NPSR1: variants seen among roughly 807,000 people sequenced by gnomAD.
The protein encoded by NPSR1 is neuropeptide S receptor.
A neutral mutation model predicts 46.9 loss-of-function variants in NPSR1; 48 were observed. The observed-to-expected ratio is 1.02, with a 90% CI of 0.81 to 1.30. The LOEUF is 1.30. Among genes scored for constraint, NPSR1 ranks in the 50% most tolerant of loss-of-function variants. The probability of loss-of-function intolerance (pLI) is 0.00; values close to 1 mark genes in which losing one functional copy is unlikely to be tolerated. For synonymous variants in NPSR1, 176 were observed against 168.1 expected (o/e 1.05, Z -0.36); for missense variants, 450 against 449.5 (o/e 1.00, Z -0.01).
intron 3 of NPSR1, chr7:34,779,607 T>C: frequency 7.9e-7 from 1 of 1,271,886 alleles, no homozygotes; most frequent in South Asian, 2.5e-5. Context: ...TCTTCTTTTG[T>C]GCTCTGAATA....
intron 1 of NPSR1, among the ~76,000 whole-genome samples, 160 bp downstream of exon 1, chr7:34,658,719 G>T (rs401256): frequency 0.38 from 57,612 of 152,028 alleles, 11,339 homozygotes; most frequent in South Asian, 0.46. Context: ...ACAACAAGCT[G>T]TAGTGTGCAG....
intron 2 of NPSR1, among the ~76,000 whole-genome samples, chr7:34,755,746 G>A (rs142906321): frequency 0.011 from 1,635 of 151,650 alleles, 19 homozygotes; most frequent in Non-Finnish European, 0.017. Context: ...TTTTAAACTA[G>A]GATCAGAAAC....
At chr7:34,719,228 AC>A (rs1357581573) in intron 2 of NPSR1, 21 of 152,512 alleles carry the variant, frequency 1.4e-4, no homozygotes, top group Admixed American at 1.3e-3. Flanking sequence ...TAGAACAGCA[AC>A]CTGGCCAGTT....
chr7:34,872,875 C>T (rs1298381685), intron 8 of NPSR1, among the ~76,000 whole-genome samples: 1 of 151,808 alleles, frequency 6.6e-6, no homozygotes, highest in African/African-American at 2.4e-5. Context: ...TATCAGCTAG[C>T]ATGAAAATTT....
intron 2 of NPSR1, among the ~76,000 whole-genome samples, chr7:34,754,548 TC>T (rs2128725687): frequency 6.6e-6 from 1 of 151,994 alleles, no homozygotes; most frequent in South Asian, 2.1e-4. Flanking sequence ...TACCACCTCT[TC>T]CCCCCACCAA....
chr7:34,792,641 G>GTA (rs370959303), intron 3 of NPSR1, among the ~76,000 whole-genome samples: 4,520 of 81,006 alleles, frequency 0.056, 347 homozygotes, highest in African/African-American at 0.17. Context: ...GTGTGTATGT[G>GTA]TATATATATA....
chr7:34,776,310 A>T (rs1786955456), intron 2 of NPSR1, among the ~76,000 whole-genome samples: 1 of 152,174 alleles, frequency 6.6e-6, no homozygotes, highest in Admixed American at 6.5e-5. Flanking sequence ...TGAAGTCTCC[A>T]GCTATTATTG....
At chr7:34,663,889 G>C (rs573120231) in intron 1 of NPSR1, among the ~76,000 whole-genome samples, 3 of 152,296 alleles carry the variant, frequency 2.0e-5, no homozygotes, top group African/African-American at 7.2e-5. Flanking sequence ...ACTTGTTTCT[G>C]TCCATCTGCA....
chr7:34,856,719 C>A lies in NPSR1; in HGVS notation c.1025+8056C>A, dbSNP rs76673548. ...TCCAGGTTTGTTGATAGACTTTAGTCTTCCTTCTTGTGATATGGGTTCAGT... is the reference window on the plus strand; with the variant it reads ...TCCAGGTTTGTTGATAGACTTTAGTATTCCTTCTTGTGATATGGGTTCAGT... On this transcript the variant is annotated intron_variant, in intron 8 of 8. Coordinates refer to the NPSR1 transcript ENST00000359791. Among the ~76,000 whole-genome samples the A allele has an allele frequency of 4.0e-5, 6 of 151,848 alleles. 1 individual carries two copies. The East Asian group carries it at 1.2e-3, about 29-fold the overall frequency.
intron 3 of NPSR1, among the ~76,000 whole-genome samples, chr7:34,792,397 C>T (rs769916106): frequency 2.1e-5 from 3 of 146,130 alleles, no homozygotes; most frequent in African/African-American, 5.1e-5. Flanking sequence ...TGGTGGCTCA[C>T]GCATATAGTC....
At chr7:34,836,866 G>T (rs1584124767) in intron 6 of NPSR1, among the ~76,000 whole-genome samples, 1 of 152,212 alleles carries the variant, frequency 6.6e-6, no homozygotes, top group Non-Finnish European at 1.5e-5. Flanking sequence ...TAATTATATA[G>T]CCATACAATT....
At chr7:34,794,799 A>T (rs1018738106) in intron 3 of NPSR1, among the ~76,000 whole-genome samples, 15 of 152,204 alleles carry the variant, frequency 9.9e-5, no homozygotes, top group African/African-American at 3.6e-4. Flanking sequence ...AATATTAGCA[A>T]GTCAATCCAA....
chr7:34,792,500 A>AC (rs1787925975), intron 3 of NPSR1, among the ~76,000 whole-genome samples: 2 of 143,248 alleles, frequency 1.4e-5, no homozygotes, highest in East Asian at 2.1e-4. Context: ...TCTCTACAAA[A>AC]ACACACACAC....
At chr7:34,825,685 A>C (rs1447267507) in intron 4 of NPSR1, among the ~76,000 whole-genome samples, 4 of 152,138 alleles carry the variant, frequency 2.6e-5, no homozygotes, top group Non-Finnish European at 5.9e-5. Context: ...ATAATTTCCA[A>C]AGGACCCAGA....
At chr7:34,776,838 G>C (rs1035382702) in intron 2 of NPSR1, among the ~76,000 whole-genome samples, 6 of 152,068 alleles carry the variant, frequency 3.9e-5, no homozygotes, top group Non-Finnish European at 8.8e-5. Context: ...TCTGGCCTAG[G>C]GCATGTCTAG....
At chr7:34,866,359 G>C (rs1314868425) in intron 8 of NPSR1, among the ~76,000 whole-genome samples, 3 of 151,826 alleles carry the variant, frequency 2.0e-5, no homozygotes, top group Admixed American at 6.5e-5. Flanking sequence ...TCAGCTCATG[G>C]AGAAAGGACA....
intron 8 of NPSR1, among the ~76,000 whole-genome samples, chr7:34,859,878 G>C (rs1404075465): frequency 6.6e-6 from 1 of 151,620 alleles, no homozygotes; most frequent in Non-Finnish European, 1.5e-5. Flanking sequence ...GAGCATCCCC[G>C]GGGGTCAGAG....
At chr7:34,829,718 T>G (rs541030494) in intron 5 of NPSR1, among the ~76,000 whole-genome samples, 1 of 152,340 alleles carries the variant, frequency 6.6e-6, no homozygotes, top group East Asian at 1.9e-4. Context: ...CCACCAGGAC[T>G]TCTCCTCAAA....
intron 6 of NPSR1, among the ~76,000 whole-genome samples, chr7:34,836,627 AAGAAAGAAAGAAAGAAAG>A (rs1790380578): frequency 6.6e-6 from 1 of 151,350 alleles, no homozygotes; most frequent in Non-Finnish European, 1.5e-5. Flanking sequence ...GAAAGAAAAG[AAGAAAGAAAGAAAGAAAG>A]AGAAAGAAAG....
Sources: allele counts gnomAD v4.1 joint callset (sites outside exome capture counted in the v4.1 genomes callset), GRCh38; gene constraint gnomAD v4.1.1; transcripts MANE v1.5; gene names NCBI Gene and HGNC (gene_info 2026-07-23, HGNC 2026-07-21).